Variants in RPL36 observed in about 807,000 individuals in gnomAD.
RPL36 encodes large ribosomal subunit protein eL36.
For missense variants in RPL36, 131 were observed against 144.9 expected, an observed-to-expected ratio of 0.90 and a Z score of 0.49; for synonymous variants, 74 against 56.0, an observed-to-expected ratio of 1.32 and a Z score of -1.44.
At chr19:5,691,018 C>G (rs2054810584) in intron 2 of RPL36, 1 of 550,020 alleles carries the variant, frequency 1.8e-6, no homozygotes, top group Admixed American at 3.1e-5. Context: ...GCTCATGGAG[C>G]TGGCCCGAGG....
Position 5,691,766 on chromosome 19 carries a change from T to G in RPL36, c.*145T>G. 1.0e-6 allele frequency: 1 copy of G among 999,420 alleles called. No homozygotes were observed. The highest frequency in any genetic ancestry group is 1.5e-6 in the Non-Finnish European group (1 of 660,006). The allele number at this position is 999,420 out of a possible 1,614,324, so 61.9% of individuals were successfully genotyped here. Reference sequence around the variant, plus strand: ...TCTGAGCCACACCCTCTCCGGGTGCTGCCTGGTCGTGAATCAAAAGCCGTG... The same window carrying G: ...TCTGAGCCACACCCTCTCCGGGTGCGGCCTGGTCGTGAATCAAAAGCCGTG... On this transcript the variant is annotated 3_prime_UTR_variant, in exon 4 of 4. Coordinates refer to ENST00000347512, the MANE Select transcript of RPL36 (RefSeq NM_033643.3).
In RPL36 at chr19:5,691,756, C is replaced by G; in HGVS notation, c.*135C>G. 2 of 1,040,124 alleles carry G rather than the reference C, an allele frequency of 1.9e-6. No individual in the cohort carries two copies. Among genetic ancestry groups the G allele is most frequent in the East Asian group, 2.6e-5 (1 of 38,542 alleles). 64.4% of individuals were successfully genotyped at this position (1,040,124 alleles called of 1,614,324 possible). ...TGGTGCCCGCTCTGAGCCACACCCT[C>G]TCCGGGTGCTGCCTGGTCGTGAATC... On this transcript the variant is annotated 3_prime_UTR_variant, in exon 4 of 4. Transcript: ENST00000347512.
rs1305742197 is a variant in RPL36 at position 5,690,590 on chromosome 19, G to A, written c.83G>A (p.Arg28Gln). 6.4e-7 allele frequency: 1 copy of A among 1,566,086 alleles called. No individual in the cohort carries two copies. The highest frequency in any genetic ancestry group is 1.2e-5 in the South Asian group (1 of 85,100). Reference sequence around the variant, plus strand: ...AACGTGAGCAAGCCCAGGCACAGCCGACGCCGCGGGGTGAGTGCGGGTGCC... The same window carrying A: ...AACGTGAGCAAGCCCAGGCACAGCCAACGCCGCGGGGTGAGTGCGGGTGCC... ...TKNVSKPRHSRRRGRLTKHTK... is the reference protein window; with the variant it reads ...TKNVSKPRHSQRRGRLTKHTK... The change falls in exon 2 of 4, where the codon CGA becomes CAA. Residue 28 changes from arginine (R) to glutamine (Q), a missense_variant. Arg to Gln is a conservative substitution (Grantham distance 43). Transcript: ENST00000347512.
chr19:5,690,953 C>T (rs1410222791), intron 2 of RPL36: 1 of 529,694 alleles, frequency 1.9e-6, no homozygotes, highest in Non-Finnish European at 3.4e-6. Flanking sequence ...GTGTATTGGG[C>T]GCCTTTATTA....
At position 5,690,345 on chromosome 19, in the gene RPL36, C is replaced by T; in HGVS notation, c.-3+18C>T. The T allele has an allele frequency of 1.5e-6, 1 of 679,076 alleles. No individual in the cohort carries two copies. Among genetic ancestry groups the T allele is most frequent in the Non-Finnish European group, 2.7e-6 (1 of 370,790 alleles). The allele number at this position is 679,076 out of a possible 1,614,324, so 42.1% of individuals were successfully genotyped here. ...AGCAGCAGGTAAGTGGTTTCCCGCA[C>T]TGCCGGTATCCGCCGCCATCCGGAC... On this transcript the variant is annotated intron_variant, in intron 1 of 3. Coordinates refer to ENST00000347512, the MANE Select transcript of RPL36 (RefSeq NM_033643.3).
Position 5,691,419 on chromosome 19 carries a change from A to T in RPL36, c.194A>T (p.Lys65Met). Residue 65 changes from lysine (K) to methionine (M), a missense_variant, in exon 3 of 4, where the codon AAG becomes ATG. Lys to Met is a moderately conservative substitution (Grantham distance 95). Transcript: ENST00000347512. ...RRAMELLKVS[K>M]DKRALKFIKK... is the part of the protein sequence containing the mutation. Reference sequence around the variant, plus strand: ...GCCATGGAGTTACTGAAGGTCTCCAAGGACAAACGGGCCCTCAAATTTATC... The same window carrying T: ...GCCATGGAGTTACTGAAGGTCTCCATGGACAAACGGGCCCTCAAATTTATC... 1 of 1,613,980 alleles carries T rather than the reference A, an allele frequency of 6.2e-7. No individual in the cohort carries two copies. Among genetic ancestry groups the T allele is most frequent in the Non-Finnish European group, 8.5e-7 (1 of 1,179,994 alleles).
rs762194595 is a variant in RPL36 at position 5,691,394 on chromosome 19, G to T, written c.169G>T (p.Ala57Ser). 9 of 1,613,880 alleles carry T rather than the reference G, an allele frequency of 5.6e-6. No homozygotes were observed. The highest frequency in any genetic ancestry group is 6.8e-6 in the Non-Finnish European group (8 of 1,180,052). ...VCGFAPYERRAMELLKVSKDK... is the reference protein window; with the variant it reads ...VCGFAPYERRSMELLKVSKDK... ...TGGCTTTGCCCCGTACGAGCGGCGC[G>T]CCATGGAGTTACTGAAGGTCTCCAA... The change falls in exon 3 of 4, where the codon GCC becomes TCC. Residue 57 changes from alanine to serine, a missense_variant. Physicochemically the swap from Ala to Ser is moderately conservative, Grantham distance 99 (BLOSUM62 1). Coordinates refer to ENST00000347512, the MANE Select transcript of RPL36 (RefSeq NM_033643.3).
intron 2 of RPL36, 49 bp downstream of exon 2, chr19:5,690,649 G>T (rs2054805164): frequency 6.9e-7 from 1 of 1,439,742 alleles, no homozygotes; most frequent in East Asian, 2.5e-5. Context: ...TTGGAGGGCG[G>T]AGGGCATGGC....
In RPL36 at chr19:5,690,572, G is replaced by A. The variant is rs767575791; in HGVS notation, c.65G>A (p.Ser22Asn). Residue 22 changes from serine to asparagine, a missense_variant, in exon 2 of 4, where the codon AGC becomes AAC. Coordinates refer to ENST00000347512, the MANE Select transcript of RPL36 (RefSeq NM_033643.3). ...NKGHKVTKNV[S>N]KPRHSRRRGR... is the part of the protein sequence containing the mutation. ...GGCCACAAAGTGACCAAGAACGTGA[G>A]CAAGCCCAGGCACAGCCGACGCCGC... 4 of 1,570,502 alleles carry A rather than the reference G, an allele frequency of 2.5e-6. No individual in the cohort carries two copies. The highest frequency in any genetic ancestry group is 3.5e-6 in the Non-Finnish European group (4 of 1,158,672).
chr19:5,691,573 G>C lies in RPL36; in HGVS notation c.270G>C (p.Leu90=), dbSNP rs2054820977. 1 of 1,611,518 alleles carries C rather than the reference G, an allele frequency of 6.2e-7. No individual in the cohort carries two copies. The highest frequency in any genetic ancestry group is 1.1e-5 in the South Asian group (1 of 90,990). ...GCGCCAAGAGGAAGCGGGAGGAGCT[G>C]AGCAACGTACTGGCCGCCATGAGGA... is the stretch of plus-strand genomic sequence containing the variant. ...HIRAKRKREE[L]SNVLAAMRKA... is the part of the protein sequence containing the mutation. Residue 90 remains leucine, a synonymous_variant, in exon 4 of 4, where the codon CTG becomes CTC. Transcript: ENST00000347512.
At chr19:5,690,416 C>T (rs767657840) in intron 1 of RPL36, 89 bp downstream of exon 1, 17 of 1,011,088 alleles carry the variant, frequency 1.7e-5, no homozygotes, top group Non-Finnish European at 2.4e-5. Flanking sequence ...TTGTGGCGAG[C>T]GAGGCTGAAG....
In RPL36 at chr19:5,690,488, C is replaced by T; in HGVS notation, c.-2-18C>T. 6.5e-7 allele frequency: 1 copy of T among 1,534,392 alleles called. No individual in the cohort carries two copies. Among genetic ancestry groups the T allele is most frequent in the East Asian group, 2.4e-5 (1 of 41,024 alleles). Reference sequence around the variant, plus strand: ...GCCGGTACTCACCTCCGCCCCTTCTCCCCGTCGCTGTCCGCAGCCATGGCC... The same window carrying T: ...GCCGGTACTCACCTCCGCCCCTTCTTCCCGTCGCTGTCCGCAGCCATGGCC... On this transcript the variant is annotated intron_variant, in intron 1 of 3. Coordinates refer to ENST00000347512, the MANE Select transcript of RPL36 (RefSeq NM_033643.3).
At chr19:5,691,186 G>A in intron 2 of RPL36, 133 bp from the exon 3 acceptor site, 1 of 1,368,806 alleles carries the variant, frequency 7.3e-7, no homozygotes, top group Non-Finnish European at 1.0e-6. Flanking sequence ...AGCGCTAGGC[G>A]TTAATACCTT....
intron 2 of RPL36, chr19:5,690,956 C>T (rs1320405142): frequency 9.5e-6 from 5 of 526,354 alleles, no homozygotes; most frequent in Non-Finnish European, 1.7e-5. Context: ...TATTGGGCGC[C>T]TTTATTAAGC....
intron 2 of RPL36, 33 bp from the exon 3 acceptor site, chr19:5,691,286 C>G (rs199852767): frequency 6.2e-7 from 1 of 1,612,102 alleles, no homozygotes. Flanking sequence ...GCAGGGATCC[C>G]CCTACCCTGA....
At position 5,691,408 on chromosome 19, in the gene RPL36, G is replaced by A; in HGVS notation, c.183G>A (p.Leu61=). 6.2e-7 allele frequency: 1 copy of A among 1,614,068 alleles called. No individual in the cohort carries two copies. The change falls in exon 3 of 4, where the codon CTG becomes CTA. Residue 61 remains leucine (L), a synonymous_variant. Transcript: ENST00000347512. ...ACGAGCGGCGCGCCATGGAGTTACT[G>A]AAGGTCTCCAAGGACAAACGGGCCC... is the stretch of plus-strand genomic sequence containing the variant. ...APYERRAMEL[L]KVSKDKRALK...
Position 5,691,709 on chromosome 19 carries a change from C to G in RPL36, c.*88C>G. On this transcript the variant is annotated 3_prime_UTR_variant, in exon 4 of 4. Transcript: ENST00000347512. ...TGTCCGTGGGTGGGTGTGGGTGTGT[C>G]GGGGGCCCGCAGTCCCCTGTCTGGT... 7.4e-7 allele frequency: 1 copy of G among 1,351,312 alleles called. No individual in the cohort carries two copies. The highest frequency in any genetic ancestry group is 1.0e-6 in the Non-Finnish European group (1 of 970,120). The allele number at this position is 1,351,312 out of a possible 1,614,324, so 83.7% of individuals were successfully genotyped here.
Position 5,690,576 on chromosome 19 carries a change from G to T in RPL36, c.69G>T (p.Lys23Asn). The change falls in exon 2 of 4, where the codon AAG (lysine) becomes AAT (asparagine). Residue 23 changes from lysine to asparagine, a missense_variant. Physicochemically the swap from Lys to Asn is moderately conservative, Grantham distance 94 (BLOSUM62 0). Coordinates refer to ENST00000347512, the MANE Select transcript of RPL36 (RefSeq NM_033643.3). ...KGHKVTKNVS[K>N]PRHSRRRGRL... ...ACAAAGTGACCAAGAACGTGAGCAA[G>T]CCCAGGCACAGCCGACGCCGCGGGG... is the stretch of plus-strand genomic sequence containing the variant. The T allele has an allele frequency of 6.4e-7, 1 of 1,570,628 alleles. No individual in the cohort carries two copies. Among genetic ancestry groups the T allele is most frequent in the Non-Finnish European group, 8.6e-7 (1 of 1,158,716 alleles).
Position 5,690,340 on chromosome 19 carries a change from C to G in RPL36, c.-3+13C>G. The G allele has an allele frequency of 1.5e-6, 1 of 667,922 alleles. No individual in the cohort carries two copies. The highest frequency in any genetic ancestry group is 2.7e-6 in the Non-Finnish European group (1 of 364,430). 41.4% of individuals were successfully genotyped at this position (667,922 alleles called of 1,614,324 possible). A position where few individuals can be genotyped will look rare whatever the true frequency, so the allele number is the denominator to read the frequency against. On this transcript the variant is annotated intron_variant, in intron 1 of 3. Coordinates refer to ENST00000347512, the MANE Select transcript of RPL36 (RefSeq NM_033643.3). ...TGGAGAGCAGCAGGTAAGTGGTTTC[C>G]CGCACTGCCGGTATCCGCCGCCATC...
Sources: allele counts gnomAD v4.1 joint callset, GRCh38; gene constraint gnomAD v4.1.1; transcripts MANE v1.5; gene names NCBI Gene and HGNC (gene_info 2026-07-23, HGNC 2026-07-21).